The following ENPP4 variants were observed in gnomAD, a reference collection of about 807,000 sequenced individuals.
The protein encoded by ENPP4 is ectonucleotide pyrophosphatase/phosphodiesterase 4, also known as bis(5'-adenosyl)-triphosphatase ENPP4.
A neutral mutation model predicts 33.4 loss-of-function variants in ENPP4; 18 were observed. The ratio of observed to expected loss-of-function variants is 0.54; its 90% CI spans 0.37 to 0.80. ENPP4 has a LOEUF of 0.80. Among genes scored for constraint, ENPP4 ranks in the 30% least tolerant of loss-of-function variants. The pLI is 0.00. For synonymous variants in ENPP4, 172 were observed against 189.9 expected (o/e 0.91, Z 0.78); for missense variants, 480 against 541.7 (o/e 0.89, Z 1.13).
chr6:46,139,498 T>C, intron 1 of ENPP4, 53 bp from the exon 2 acceptor site: 1 of 746,676 alleles, frequency 1.3e-6, no homozygotes, highest in Non-Finnish European at 2.2e-6. Context: ...ATTCTAAAAC[T>C]TAACCCAAAT....
At chr6:46,137,530 A>C (rs1365406121) in intron 1 of ENPP4, among the ~76,000 whole-genome samples, 1 of 151,952 alleles carries the variant, frequency 6.6e-6, no homozygotes, top group East Asian at 1.9e-4. Flanking sequence ...GTCATACATA[A>C]ACACTGTGTT....
In ENPP4 at chr6:46,143,734, T is replaced by G. The variant is rs1249088958; in HGVS notation, c.*94T>G. On this transcript the variant is annotated 3_prime_UTR_variant, in exon 4 of 4. Transcript: ENST00000321037. ...GTTGTAACTATGAAAAAGAATACTTTGAAAGACAAAGAACTTAGACTAAGC... is the reference window on the plus strand; with the variant it reads ...GTTGTAACTATGAAAAAGAATACTTGGAAAGACAAAGAACTTAGACTAAGC... The G allele has an allele frequency of 7.8e-7, 1 of 1,274,354 alleles. No homozygotes were observed. Among genetic ancestry groups the G allele is most frequent in the Non-Finnish European group, 1.1e-6 (1 of 922,546 alleles). The allele number at this position is 1,274,354 out of a possible 1,614,324, so 78.9% of individuals were successfully genotyped here.
At position 46,140,345 on chromosome 6, in the gene ENPP4, C is replaced by T. The variant is rs1461363811; in HGVS notation, c.762C>T (p.Cys254=). Residue 254 remains cysteine, a synonymous_variant, in exon 2 of 4, where the codon TGC becomes TGT. Transcript: ENST00000321037. ...SQDRLINLDS[C]IDHSYYTLID... is the part of the protein sequence containing the mutation. The stretch of plus-strand genomic sequence containing the variant: ...ACAGACTGATAAACCTGGATTCCTG[C>T]ATCGATCATTCATACTACACTCTTA... 2 of 1,610,110 alleles carry T rather than the reference C, an allele frequency of 1.2e-6. No individual in the cohort carries two copies. The highest frequency in any genetic ancestry group is 1.7e-6 in the Non-Finnish European group (2 of 1,178,204).
At chr6:46,133,689 AT>A (rs1232120388) in intron 1 of ENPP4, among the ~76,000 whole-genome samples, 1 of 152,112 alleles carries the variant, frequency 6.6e-6, no homozygotes, top group African/African-American at 2.4e-5. Context: ...GGTGTGAAAA[AT>A]TACAGAATTT....
intron 3 of ENPP4, among the ~76,000 whole-genome samples, chr6:46,141,520 A>G (rs1019883947): frequency 6.6e-6 from 1 of 151,734 alleles, no homozygotes; most frequent in African/African-American, 2.4e-5. Flanking sequence ...ATAGAGAAGT[A>G]AAGAAACAGT....
intron 1 of ENPP4, among the ~76,000 whole-genome samples, chr6:46,130,965 T>C (rs977580820): frequency 1.3e-5 from 2 of 152,218 alleles, no homozygotes; most frequent in East Asian, 1.9e-4. Context: ...CTGTGAAATA[T>C]CAACTGCTGG....
In ENPP4 at chr6:46,143,693, A is replaced by G; in HGVS notation, c.*53A>G. 1 of 1,485,014 alleles carries G rather than the reference A, an allele frequency of 6.7e-7. No homozygotes were observed. Among genetic ancestry groups the G allele is most frequent in the Non-Finnish European group, 9.1e-7 (1 of 1,093,946 alleles). The allele number at this position is 1,485,014 out of a possible 1,614,324, so 92.0% of individuals were successfully genotyped here. On this transcript the variant is annotated 3_prime_UTR_variant, in exon 4 of 4. Transcript: ENST00000321037. ...TTTGATTAATCACAAAACTAAGAAT[A>G]CATCCAAAGAATAGTGTTGTAACTA...
chr6:46,132,849 C>T (rs1763921469), intron 1 of ENPP4, among the ~76,000 whole-genome samples: 1 of 151,960 alleles, frequency 6.6e-6, no homozygotes, highest in South Asian at 2.1e-4. Context: ...GTTTGTAGTT[C>T]TCCTTGAAGA....
Position 46,140,169 on chromosome 6 carries a change from G to A in ENPP4, c.586G>A (p.Gly196Arg), listed in dbSNP as rs769628402. ...EEPDASGHKY[G>R]PEDKENMSRV... ...ACCAGATGCAAGTGGCCACAAATAC[G>A]GACCTGAAGATAAAGAAAACATGAG... The change falls in exon 2 of 4, where the codon GGA becomes AGA. Residue 196 changes from glycine to arginine, a missense_variant. Around this residue, in one of 3 missense-constraint regions of ENPP4, gnomAD observed 227 missense variants for 273.7 expected, o/e 0.83. Coordinates refer to ENST00000321037, the MANE Select transcript of ENPP4 (RefSeq NM_014936.5). The A allele has an allele frequency of 1.9e-6, 3 of 1,612,484 alleles. No homozygotes were observed. Among genetic ancestry groups the A allele is most frequent in the Admixed American group, 1.7e-5 (1 of 59,828 alleles).
Position 46,140,153 on chromosome 6 carries a change from A to G in ENPP4, c.570A>G (p.Ala190=). ...CACTATATTGGGAAGAACCAGATGC[A>G]AGTGGCCACAAATACGGACCTGAAG... ...FATLYWEEPD[A]SGHKYGPEDK... The change falls in exon 2 of 4, where the codon GCA becomes GCG. Residue 190 remains alanine (A), a synonymous_variant. Transcript: ENST00000321037. 1 of 1,612,712 alleles carries G rather than the reference A, an allele frequency of 6.2e-7. No homozygotes were observed. The highest frequency in any genetic ancestry group is 8.5e-7 in the Non-Finnish European group (1 of 1,179,106).
Position 46,143,350 on chromosome 6 carries a change from A to C in ENPP4, c.1072A>C (p.Lys358Gln). 6.2e-7 allele frequency: 1 copy of C among 1,611,354 alleles called. No homozygotes were observed. Among genetic ancestry groups the C allele is most frequent in the Non-Finnish European group, 8.5e-7 (1 of 1,178,018 alleles). Reference protein sequence around the residue: ...FLAAHGPAFHKGYKHSTINIV... With the variant: ...FLAAHGPAFHQGYKHSTINIV... ...AGCTGCCCACGGACCTGCATTTCAC[A>C]AAGGCTACAAGCATAGCACAATTAA... is the stretch of plus-strand genomic sequence containing the variant. Residue 358 changes from lysine (K) to glutamine (Q), a missense_variant, in exon 4 of 4, where the codon AAA (lysine) becomes CAA (glutamine). Around this residue, in one of 3 missense-constraint regions of ENPP4, gnomAD observed 249 missense variants for 251.8 expected, o/e 0.99. Coordinates refer to ENST00000321037, the MANE Select transcript of ENPP4 (RefSeq NM_014936.5).
chr6:46,140,506 A>G (rs1764043859), intron 2 of ENPP4, 97 bp downstream of exon 2: 1 of 732,186 alleles, frequency 1.4e-6, no homozygotes, highest in Non-Finnish European at 2.2e-6. Context: ...AGCTTTTTGT[A>G]GTTTAGAACC....
rs138106306 is a variant in ENPP4 at position 46,138,946 on chromosome 6, G to C, written c.-33-605G>C. Among the ~76,000 whole-genome samples, 1,024 of 151,926 alleles carry C rather than the reference G, an allele frequency of 6.7e-3. 9 individuals carry two copies. The highest frequency in any genetic ancestry group is 0.024 in the African/African-American group (989 of 41,496). The stretch of plus-strand genomic sequence containing the variant: ...TTACTGGAGCATCCATGTCCATGTA[G>C]GCTTTGCATGTTTGTTAATCAACTT... On this transcript the variant is annotated intron_variant, in intron 1 of 3. Coordinates refer to ENST00000321037, the MANE Select transcript of ENPP4 (RefSeq NM_014936.5).
At chr6:46,140,516 C>CAT (rs1256274403) in intron 2 of ENPP4, 107 bp downstream of exon 2, 3 of 674,204 alleles carry the variant, frequency 4.4e-6, no homozygotes, top group Non-Finnish European at 7.3e-6. Context: ...AGTTTAGAAC[C>CAT]ATATACTCAG....
At chr6:46,133,967 T>C (rs769267552) in intron 1 of ENPP4, among the ~76,000 whole-genome samples, 1 of 152,156 alleles carries the variant, frequency 6.6e-6, no homozygotes, top group Non-Finnish European at 1.5e-5. Context: ...ATGAAATTAG[T>C]AAGAACACAG....
chr6:46,139,739 T>C lies in ENPP4; in HGVS notation c.156T>C (p.Phe52=), dbSNP rs1764027708. The C allele has an allele frequency of 1.2e-6, 2 of 1,611,950 alleles. No homozygotes were observed. Among genetic ancestry groups the C allele is most frequent in the African/African-American group, 2.7e-5 (2 of 74,804 alleles). Residue 52 remains phenylalanine, a synonymous_variant, in exon 2 of 4, where the codon TTT becomes TTC. Coordinates refer to ENST00000321037, the MANE Select transcript of ENPP4 (RefSeq NM_014936.5). The stretch of plus-strand genomic sequence containing the variant: ...ATGAATTTCCTCATCTCCAGAATTT[T>C]ATCAAAGAAGGTGTTTTGGTAGAGC... The part of the protein sequence containing the change: ...KNYEFPHLQN[F]IKEGVLVEHV...
At chr6:46,142,681 A>G (rs1764084823) in intron 3 of ENPP4, among the ~76,000 whole-genome samples, 1 of 151,494 alleles carries the variant, frequency 6.6e-6, no homozygotes, top group African/African-American at 2.4e-5. Context: ...TGTACGTTAA[A>G]TGGCAACATT....
In ENPP4 at chr6:46,143,669, T is replaced by C; in HGVS notation, c.*29T>C. On this transcript the variant is annotated 3_prime_UTR_variant, in exon 4 of 4. Transcript: ENST00000321037. ...GTGCTAGGGCTTATACAAAGTGTCT[T>C]TGATTAATCACAAAACTAAGAATAC... The C allele has an allele frequency of 6.4e-7, 1 of 1,557,448 alleles. No individual in the cohort carries two copies. Among genetic ancestry groups the C allele is most frequent in the Non-Finnish European group, 8.7e-7 (1 of 1,150,048 alleles).
At chr6:46,138,664 A>C (rs1358882672) in intron 1 of ENPP4, among the ~76,000 whole-genome samples, 1 of 151,796 alleles carries the variant, frequency 6.6e-6, no homozygotes, top group African/African-American at 2.4e-5. Flanking sequence ...CATCCTGTCC[A>C]TCTGAAGTGA....
Sources: allele counts gnomAD v4.1 joint callset (sites outside exome capture counted in the v4.1 genomes callset), GRCh38; gene constraint gnomAD v4.1.1; regional missense constraint gnomAD v4.1.1; transcripts MANE v1.5; gene names NCBI Gene and HGNC (gene_info 2026-07-23, HGNC 2026-07-21).